CSNK1G2: variants seen among roughly 807,000 people sequenced by gnomAD.
The protein encoded by CSNK1G2 is casein kinase 1 gamma 2.
In CSNK1G2, 11 loss-of-function variants were observed where a neutral mutation model predicts 48.0. The ratio of observed to expected loss-of-function variants is 0.23; its 90% CI spans 0.14 to 0.38. The LOEUF is 0.38. CSNK1G2 is among the 10% of genes least tolerant of loss of function. The probability of loss-of-function intolerance (pLI) is 1.00; values close to 1 mark genes in which losing one functional copy is unlikely to be tolerated. For synonymous variants in CSNK1G2, 337 were observed against 254.1 expected (o/e 1.33, Z -3.10); for missense variants, 446 against 595.5 (o/e 0.75, Z 2.61).
intron 1 of CSNK1G2, among the ~76,000 whole-genome samples, chr19:1,943,454 C>T (rs540371133): frequency 6.6e-6 from 1 of 152,256 alleles, no homozygotes; most frequent in Non-Finnish European, 1.5e-5. Flanking sequence ...TTTTCTTCTC[C>T]TCCTTTTTAA....
Position 1,978,522 on chromosome 19 carries a change from G to GC in CSNK1G2, c.298+14dup. The GC allele has an allele frequency of 6.4e-7, 1 of 1,574,410 alleles. No homozygotes were observed. The highest frequency in any genetic ancestry group is 8.6e-7 in the Non-Finnish European group (1 of 1,161,206). ...AGCTCAGCGCCACAGGTACCGGGCG[G>GC]CCCGCGGGTGGGGCGGGGGCTGCGC... On this transcript the variant is annotated intron_variant, in intron 4 of 11. Coordinates refer to ENST00000255641, the MANE Select transcript of CSNK1G2 (RefSeq NM_001319.7). This position sits in a 1 kb window ranked among gnomAD's most constrained non-coding sequence, Gnocchi z 7.3.
rs749668847 is a variant in CSNK1G2 at position 1,979,212 on chromosome 19, C to T, written c.732C>T (p.Tyr244=). 6.5e-7 allele frequency: 1 copy of T among 1,547,832 alleles called. No individual in the cohort carries two copies. The highest frequency in any genetic ancestry group is 1.2e-5 in the South Asian group (1 of 83,916). ...AGGCGCTGGGCCACATGTTCATGTA[C>T]TTCCTGCGCGGCAGCCTCCCCTGGC... ...DLEALGHMFM[Y]FLRGSLPWQG... The change falls in exon 7 of 12, where the codon TAC becomes TAT. Residue 244 remains tyrosine, a synonymous_variant. Coordinates refer to ENST00000255641, the MANE Select transcript of CSNK1G2 (RefSeq NM_001319.7).
In CSNK1G2 at chr19:1,981,301, G is replaced by A. The variant is rs2015983351; in HGVS notation, c.*1098G>A. On this transcript the variant is annotated 3_prime_UTR_variant, in exon 12 of 12. Transcript: ENST00000255641. ...GCTCCCTTGAAGCCATAGAATTTAG[G>A]GGCTTTTTTAAAAAAATAAAAGAAA... The A allele has an allele frequency of 6.6e-6, 1 of 152,152 alleles. No individual in the cohort carries two copies. The highest frequency in any genetic ancestry group is 1.9e-4 in the East Asian group (1 of 5,198). The allele number at this position is 152,152 out of a possible 1,614,324, so 9.4% of individuals were successfully genotyped here. A position where few individuals can be genotyped will look rare whatever the true frequency, so the allele number is the denominator to read the frequency against.
intron 1 of CSNK1G2, chr19:1,953,462 C>T: frequency 3.7e-6 from 2 of 534,506 alleles, no homozygotes; most frequent in South Asian, 2.8e-5. Context: ...TTGATGGCGT[C>T]TGAGGCTCTG....
At chr19:1,948,249 C>T (rs1164159631) in intron 1 of CSNK1G2, among the ~76,000 whole-genome samples, 1 of 152,194 alleles carries the variant, frequency 6.6e-6, no homozygotes, top group Non-Finnish European at 1.5e-5. Flanking sequence ...CCCGGCCGGG[C>T]GTGGTGGCTC....
rs561589949 is a variant in CSNK1G2, at chr19:1,957,966, C to T, written c.-265-11542C>T. ...GCCTCATGTCACCACGTGCTTCCCC[C>T]GTGTGCAGGGAGGGGTTGGAGGTGT... On this transcript the variant is annotated intron_variant, in intron 1 of 11. Coordinates refer to ENST00000255641, the MANE Select transcript of CSNK1G2 (RefSeq NM_001319.7). The surrounding 1 kb of genome is among the most constrained non-coding windows in gnomAD (Gnocchi z 5.4). Among the ~76,000 whole-genome samples the T allele has an allele frequency of 2.6e-5, 4 of 152,238 alleles. No homozygotes were observed. Among genetic ancestry groups the T allele is most frequent in the East Asian group, 1.9e-4 (1 of 5,176 alleles).
intron 2 of CSNK1G2, among the ~76,000 whole-genome samples, chr19:1,970,962 G>C (rs933943690): frequency 8.5e-5 from 13 of 152,220 alleles, no homozygotes; most frequent in African/African-American, 2.9e-4. Context: ...CCACGCAGTG[G>C]TCATGATGTG....
chr19:1,948,604 G>A (rs907624869), intron 1 of CSNK1G2, among the ~76,000 whole-genome samples: 10 of 148,966 alleles, frequency 6.7e-5, no homozygotes, highest in Non-Finnish European at 1.5e-5. Flanking sequence ...GCCTTATTTC[G>A]GTGTGGTCCT....
At chr19:1,948,029 G>A (rs1312431412) in intron 1 of CSNK1G2, among the ~76,000 whole-genome samples, 2 of 152,182 alleles carry the variant, frequency 1.3e-5, no homozygotes, top group Non-Finnish European at 2.9e-5. Flanking sequence ...TGAAAGCTTC[G>A]TGGGCCGGGA....
intron 1 of CSNK1G2, among the ~76,000 whole-genome samples, chr19:1,951,392 G>C (rs1471491205): frequency 7.0e-6 from 1 of 142,844 alleles, no homozygotes; most frequent in Non-Finnish European, 1.5e-5. Context: ...GACAGAGTGA[G>C]ACTCCGTCTC....
rs796645807 is a variant in CSNK1G2 at position 1,949,511 on chromosome 19, G to T, written c.-266+8093G>T. Among the ~76,000 whole-genome samples the T allele has an allele frequency of 4.6e-5, 7 of 152,366 alleles. 2 individuals carry two copies. The highest frequency in any genetic ancestry group is 1.7e-4 in the African/African-American group (7 of 41,584). On this transcript the variant is annotated intron_variant, in intron 1 of 11. Transcript: ENST00000255641. ...GTTCGTGGCTGAGTCGTGTTCCGGC[G>T]TGTGGGTGGCCACGTGTTTATTTCT...
Position 1,980,146 on chromosome 19 carries a change from C to T in CSNK1G2, c.1194-3C>T, listed in dbSNP as rs1191254280. ...CTCCTACCTGAGCCACTGCCCTCCTCAGATGCTGCTGTTTCTTCAAGAGGA... is the reference window on the plus strand; with the variant it reads ...CTCCTACCTGAGCCACTGCCCTCCTTAGATGCTGCTGTTTCTTCAAGAGGA... On this transcript the variant is annotated splice_region_variant and splice_polypyrimidine_tract_variant and intron_variant, in intron 11 of 11. Coordinates refer to ENST00000255641, the MANE Select transcript of CSNK1G2 (RefSeq NM_001319.7). 5 of 1,612,844 alleles carry T rather than the reference C, an allele frequency of 3.1e-6. No individual in the cohort carries two copies. Among genetic ancestry groups the T allele is most frequent in the Non-Finnish European group, 4.2e-6 (5 of 1,179,882 alleles).
chr19:1,960,968 A>C (rs1239730563), intron 1 of CSNK1G2, among the ~76,000 whole-genome samples: 1 of 152,210 alleles, frequency 6.6e-6, no homozygotes, highest in Non-Finnish European at 1.5e-5. Flanking sequence ...AAGAAGGAGA[A>C]TGTCCCCGTG....
chr19:1,979,538 C>T lies in CSNK1G2; in HGVS notation c.897C>T (p.Phe299=). 3 of 1,608,274 alleles carry T rather than the reference C, an allele frequency of 1.9e-6. No homozygotes were observed. The highest frequency in any genetic ancestry group is 2.5e-6 in the Non-Finnish European group (3 of 1,179,620). ...TGCGCTATGTGCGGCGCCTGGACTTCTTCGAGAAGCCCGACTATGACTACC... is the reference window on the plus strand; with the variant it reads ...TGCGCTATGTGCGGCGCCTGGACTTTTTCGAGAAGCCCGACTATGACTACC... ...TYLRYVRRLD[F]FEKPDYDYLR... is the part of the protein sequence containing the mutation. The change falls in exon 9 of 12, where the codon TTC becomes TTT. Residue 299 remains phenylalanine (F), a synonymous_variant. Transcript: ENST00000255641.
intron 1 of CSNK1G2, among the ~76,000 whole-genome samples, chr19:1,949,691 A>ACGGC (rs1353625626): frequency 6.6e-6 from 1 of 152,234 alleles, no homozygotes; most frequent in African/African-American, 2.4e-5. Flanking sequence ...GGAGCCGCAG[A>ACGGC]CGGCCATCCA....
At chr19:1,967,793 C>T (rs1284519358) in intron 1 of CSNK1G2, among the ~76,000 whole-genome samples, 1 of 56,188 alleles carries the variant, frequency 1.8e-5, no homozygotes, top group Non-Finnish European at 3.1e-5. Flanking sequence ...GGGGCTCCTC[C>T]TTCCTCCCTC....
chr19:1,958,039 G>A (rs1357393988), intron 1 of CSNK1G2, among the ~76,000 whole-genome samples: 3 of 152,096 alleles, frequency 2.0e-5, no homozygotes, highest in African/African-American at 7.2e-5. Flanking sequence ...TCCTGACGAC[G>A]GCACTGCCCA....
At chr19:1,967,011 C>T (rs2015384667) in intron 1 of CSNK1G2, among the ~76,000 whole-genome samples, 1 of 151,058 alleles carries the variant, frequency 6.6e-6, no homozygotes, top group Non-Finnish European at 1.5e-5. Context: ...GCTGGGACCA[C>T]AGGCTTGCAC....
Position 1,970,784 on chromosome 19 carries a change from G to A in CSNK1G2, c.187+825G>A, listed in dbSNP as rs545325712. Among the ~76,000 whole-genome samples, 6 of 152,382 alleles carry A rather than the reference G, an allele frequency of 3.9e-5. No homozygotes were observed. In the South Asian group the frequency reaches 1.2e-3, roughly 32 times the overall value. ...GGGAACCCAGGTGCACCCCCAGTCAGTGTCTGTCGTGGTGGGAATCAGGGT... is the reference window on the plus strand; with the variant it reads ...GGGAACCCAGGTGCACCCCCAGTCAATGTCTGTCGTGGTGGGAATCAGGGT... On this transcript the variant is annotated intron_variant, in intron 2 of 11. Transcript: ENST00000255641.
Sources: gnomAD v4.1 joint callset for allele counts (sites outside exome capture counted in the v4.1 genomes callset) on GRCh38, gnomAD v4.1.1 for gene constraint, Gnocchi (gnomAD v3.1) non-coding constraint, MANE v1.5 for transcripts, NCBI Gene and HGNC (gene_info 2026-07-23, HGNC 2026-07-21) for gene names.